Variants in GLRB observed in about 807,000 individuals in gnomAD.
The protein encoded by GLRB is glycine receptor subunit beta.
GLRB carries 33 observed loss-of-function variants against 54.2 expected under a neutral mutation model. The ratio of observed to expected loss-of-function variants is 0.61; its 90% CI spans 0.46 to 0.81. The LOEUF (loss-of-function observed/expected upper bound fraction) is 0.81. Ranked by LOEUF, GLRB falls within the 40% of genes least tolerant of loss-of-function variation. GLRB has a pLI of 0.00. For missense variants in GLRB, 572 were observed against 584.6 expected, an observed-to-expected ratio of 0.98 and a Z score of 0.22; for synonymous variants, 209 against 208.2, an observed-to-expected ratio of 1.00 and a Z score of -0.03.
chr4:157,114,536 C>T (rs1163944747), intron 2 of GLRB, among the ~76,000 whole-genome samples: 2 of 151,730 alleles, frequency 1.3e-5, no homozygotes, highest in South Asian at 2.1e-4. Flanking sequence ...TAAGTCAAGG[C>T]CATTCTTTAT....
chr4:157,122,543 A>C, intron 4 of GLRB, 146 bp downstream of exon 4: 1 of 422,942 alleles, frequency 2.4e-6, no homozygotes. Flanking sequence ...GATTTTGTTA[A>C]ATCAGTGATT....
chr4:157,121,928 T>C (rs1735837078), intron 3 of GLRB, among the ~76,000 whole-genome samples: 3 of 151,594 alleles, frequency 2.0e-5, no homozygotes, highest in African/African-American at 7.3e-5. Context: ...AGTAAGAATT[T>C]GAACTGATTA....
chr4:157,145,893 G>T (rs1031096963), intron 8 of GLRB, among the ~76,000 whole-genome samples: 2 of 152,080 alleles, frequency 1.3e-5, no homozygotes, highest in African/African-American at 4.8e-5. Flanking sequence ...TGGACATTGG[G>T]GGAACAAGGA....
At chr4:157,141,103 G>A (rs1279080128) in intron 7 of GLRB, among the ~76,000 whole-genome samples, 2 of 151,862 alleles carry the variant, frequency 1.3e-5, no homozygotes, top group Non-Finnish European at 2.9e-5. Flanking sequence ...AAATTAGAAG[G>A]TGTGCTATGG....
intron 2 of GLRB, among the ~76,000 whole-genome samples, chr4:157,079,927 G>C (rs76058639): frequency 0.035 from 5,276 of 152,154 alleles, 122 homozygotes; most frequent in South Asian, 0.11. Context: ...AAGCCATCTT[G>C]GGTTTCTGTA....
At position 157,078,084 on chromosome 4, in the gene GLRB, C is replaced by G; in HGVS notation, c.60C>G (p.Ala20=). Residue 20 remains alanine, a synonymous_variant, in exon 2 of 10, where the codon GCC becomes GCG. Transcript: ENST00000264428. ...TAATTTCCTTGTGGGTGGAAGAAGC[C>G]TATTCTAAGGAAAAGTCTTCAAAGA... The part of the protein sequence containing the change: ...LILISLWVEE[A]YSKEKSSKKG... 3 of 1,610,870 alleles carry G rather than the reference C, an allele frequency of 1.9e-6. No individual in the cohort carries two copies. The highest frequency in any genetic ancestry group is 2.2e-5 in the East Asian group (1 of 44,702).
chr4:157,161,729 G>A (rs1737502271), intron 9 of GLRB, among the ~76,000 whole-genome samples: 1 of 152,138 alleles, frequency 6.6e-6, no homozygotes, highest in Admixed American at 6.5e-5. Context: ...TCCCTTTGTG[G>A]GTAATCTGAC....
chr4:157,161,028 C>T (rs1272851229), intron 9 of GLRB, among the ~76,000 whole-genome samples: 1 of 152,106 alleles, frequency 6.6e-6, no homozygotes, highest in Non-Finnish European at 1.5e-5. Flanking sequence ...GTATCGGGTG[C>T]CTATATATTC....
At position 157,166,311 on chromosome 4, in the gene GLRB, T is replaced by C. The variant is rs1256526241; in HGVS notation, c.1198-4121T>C. Among the ~76,000 whole-genome samples the C allele has an allele frequency of 2.0e-5, 3 of 152,184 alleles. No homozygotes were observed. The East Asian group carries it at 5.8e-4, about 29-fold the overall frequency. On this transcript the variant is annotated intron_variant, in intron 9 of 9. Transcript: ENST00000264428. ...CCAAATTCGCTTTTAAGAATGTGTG[T>C]TAAGTAGGGTTAATGTCTTGTTTAT...
intron 4 of GLRB, among the ~76,000 whole-genome samples, chr4:157,123,585 G>T (rs1477668697): frequency 1.3e-5 from 2 of 151,600 alleles, no homozygotes; most frequent in Admixed American, 1.3e-4. Context: ...AAATAACATA[G>T]ACATGCATTA....
chr4:157,143,180 G>A (rs1340248889), intron 7 of GLRB, among the ~76,000 whole-genome samples: 1 of 152,036 alleles, frequency 6.6e-6, no homozygotes, highest in Non-Finnish European at 1.5e-5. Flanking sequence ...TGAAGTAGAG[G>A]TGGGCAAAGA....
rs185017708 is a variant in GLRB at position 157,119,882 on chromosome 4, G to C, written c.123-674G>C. Among the ~76,000 whole-genome samples, 1,104 of 151,694 alleles carry C rather than the reference G, an allele frequency of 7.3e-3. 7 individuals carry two copies. Among genetic ancestry groups the C allele is most frequent in the Middle Eastern group, 0.017 (5 of 292 alleles). ...ATTTGACCCAGCCATCCCATTACTG[G>C]GTATATACACAAAGAACTATAAATC... On this transcript the variant is annotated intron_variant, in intron 2 of 9. Coordinates refer to ENST00000264428, the MANE Select transcript of GLRB (RefSeq NM_000824.5).
Position 157,170,681 on chromosome 4 carries a change from T to G in GLRB, c.1447T>G (p.Phe483Val), listed in dbSNP as rs1737888844. ...IDLYARALFP[F>V]CFLFFNVIYW... The stretch of plus-strand genomic sequence containing the variant: ...TCTTTATGCAAGAGCATTGTTTCCT[T>G]TCTGCTTCTTGTTCTTCAATGTTAT... The change falls in exon 10 of 10, where the codon TTC becomes GTC. Residue 483 changes from phenylalanine to valine, a missense_variant. Transcript: ENST00000264428. 6.2e-7 allele frequency: 1 copy of G among 1,601,788 alleles called. No homozygotes were observed. The highest frequency in any genetic ancestry group is 1.3e-5 in the African/African-American group (1 of 74,336).
chr4:157,115,340 A>T (rs1162398639), intron 2 of GLRB, among the ~76,000 whole-genome samples: 2 of 145,386 alleles, frequency 1.4e-5, no homozygotes, highest in Non-Finnish European at 3.0e-5. Context: ...TTCTCATTTC[A>T]CTTTATATGA....
At chr4:157,085,154 G>A (rs1405077466) in intron 2 of GLRB, among the ~76,000 whole-genome samples, 2 of 152,134 alleles carry the variant, frequency 1.3e-5, no homozygotes, top group South Asian at 2.1e-4. Flanking sequence ...CTAGGCATGA[G>A]CTTAAATGGA....
chr4:157,130,031 A>C (rs1736155687), intron 4 of GLRB, among the ~76,000 whole-genome samples: 1 of 151,638 alleles, frequency 6.6e-6, no homozygotes, highest in African/African-American at 2.4e-5. Context: ...TAAAATGAAA[A>C]AGTTTTTTAG....
At chr4:157,124,878 C>CT (rs983485604) in intron 4 of GLRB, among the ~76,000 whole-genome samples, 3 of 151,764 alleles carry the variant, frequency 2.0e-5, no homozygotes, top group African/African-American at 7.3e-5. Flanking sequence ...CATAATTATT[C>CT]TTTTTTGCTT....
intron 9 of GLRB, among the ~76,000 whole-genome samples, chr4:157,164,144 AT>A (rs200742243): frequency 0.011 from 1,615 of 144,532 alleles, 7 homozygotes; most frequent in Middle Eastern, 0.015. Flanking sequence ...CTTTACCAGT[AT>A]TTTTTTTTTT....
intron 2 of GLRB, among the ~76,000 whole-genome samples, chr4:157,098,353 A>C (rs2126472811): frequency 6.6e-6 from 1 of 152,296 alleles, no homozygotes; most frequent in Middle Eastern, 3.4e-3. Flanking sequence ...AGGAGACATT[A>C]TTTGAAAAGA....
Sources: allele counts gnomAD v4.1 joint callset (sites outside exome capture counted in the v4.1 genomes callset), GRCh38; gene constraint gnomAD v4.1.1; transcripts MANE v1.5; gene names NCBI Gene and HGNC (gene_info 2026-07-23, HGNC 2026-07-21).